The following CDKAL1 variants were observed in gnomAD, a reference collection of about 807,000 sequenced individuals.
The protein encoded by CDKAL1 is threonylcarbamoyladenosine tRNA methylthiotransferase.
Under a neutral mutation model 68.2 loss-of-function variants are expected in CDKAL1, and 32 were observed. The ratio of observed to expected loss-of-function variants is 0.47; its 90% CI spans 0.35 to 0.63. The LOEUF (loss-of-function observed/expected upper bound fraction) is 0.63, where lower values mean the gene tolerates loss of function less well. CDKAL1 is among the 30% of genes least tolerant of loss of function. The pLI is 0.00. For missense variants in CDKAL1, 606 were observed against 696.7 expected, an observed-to-expected ratio of 0.87 and a Z score of 1.47; for synonymous variants, 234 against 244.3, an observed-to-expected ratio of 0.96 and a Z score of 0.39.
chr6:21,188,840 T>C (rs1778124652), intron 13 of CDKAL1, among the ~76,000 whole-genome samples: 1 of 152,112 alleles, frequency 6.6e-6, no homozygotes, highest in South Asian at 2.1e-4. Context: ...CACAAAAAGC[T>C]TTATAGGCAA....
chr6:20,860,850 A>G (rs554159340), intron 9 of CDKAL1, among the ~76,000 whole-genome samples: 27 of 152,202 alleles, frequency 1.8e-4, no homozygotes, highest in South Asian at 4.2e-4. Flanking sequence ...TGCTGAATGA[A>G]TACATGAATA....
At chr6:20,548,392 G>A (rs1346027402) in intron 3 of CDKAL1, among the ~76,000 whole-genome samples, 1 of 151,976 alleles carries the variant, frequency 6.6e-6, no homozygotes, top group Non-Finnish European at 1.5e-5. Context: ...AAATTAACAG[G>A]TGTGTTGGTG....
chr6:21,051,527 C>G (rs193090471), intron 11 of CDKAL1, among the ~76,000 whole-genome samples: 8 of 152,242 alleles, frequency 5.3e-5, no homozygotes, highest in African/African-American at 1.9e-4. Context: ...GCTTCCTTTA[C>G]TATTTATTGA....
At chr6:21,155,001 A>C (rs184459291) in intron 13 of CDKAL1, among the ~76,000 whole-genome samples, 2,333 of 69,328 alleles carry the variant, frequency 0.034, 30 homozygotes, top group African/African-American at 0.13. Context: ...CACCCCCCCC[A>C]AAAAAAAAAA....
chr6:20,616,837 T>TA (rs1243717378), intron 4 of CDKAL1, among the ~76,000 whole-genome samples: 18 of 60,880 alleles, frequency 3.0e-4, no homozygotes, highest in South Asian at 2.7e-3. Context: ...ACCCCGACTC[T>TA]ACCACACACA....
At chr6:20,778,255 G>A (rs1335232425) in intron 7 of CDKAL1, among the ~76,000 whole-genome samples, 1 of 152,076 alleles carries the variant, frequency 6.6e-6, no homozygotes, top group African/African-American at 2.4e-5. Flanking sequence ...AAAAGCATGA[G>A]CCATAAAAGA....
At chr6:20,816,410 C>T (rs927845403) in intron 8 of CDKAL1, among the ~76,000 whole-genome samples, 10 of 152,094 alleles carry the variant, frequency 6.6e-5, no homozygotes, top group African/African-American at 2.4e-4. Flanking sequence ...TAGAGTGTAT[C>T]AGCATTGCAA....
chr6:21,097,610 C>T (rs965914819), intron 12 of CDKAL1, among the ~76,000 whole-genome samples: 1 of 151,714 alleles, frequency 6.6e-6, no homozygotes, highest in Non-Finnish European at 1.5e-5. Flanking sequence ...AAGGGTTAAC[C>T]GTGCTATATA....
intron 13 of CDKAL1, among the ~76,000 whole-genome samples, chr6:21,190,877 A>T (rs1187713709): frequency 6.6e-6 from 1 of 152,216 alleles, no homozygotes; most frequent in African/African-American, 2.4e-5. Context: ...TTTGTAACTC[A>T]GCATCTCAGA....
chr6:20,555,161 T>C (rs1763984951), intron 4 of CDKAL1, among the ~76,000 whole-genome samples: 1 of 152,228 alleles, frequency 6.6e-6, no homozygotes, highest in South Asian at 2.1e-4. Context: ...CAGCCATGGA[T>C]TCCAGCAGAC....
intron 13 of CDKAL1, among the ~76,000 whole-genome samples, chr6:21,115,069 T>C (rs4340995): frequency 0.87 from 132,284 of 152,086 alleles, 57,837 homozygotes; most frequent in East Asian, 1. Flanking sequence ...ATTCCTTCTT[T>C]CCTCAAAGAC....
intron 12 of CDKAL1, among the ~76,000 whole-genome samples, chr6:21,066,661 G>A (rs1771460466): frequency 6.6e-6 from 1 of 152,110 alleles, no homozygotes; most frequent in African/African-American, 2.4e-5. Context: ...TCGCTCTGTT[G>A]CCCAGGCTGG....
chr6:21,074,764 A>C (rs1477030447), intron 12 of CDKAL1, among the ~76,000 whole-genome samples: 2 of 152,176 alleles, frequency 1.3e-5, no homozygotes, highest in African/African-American at 4.8e-5. Flanking sequence ...TACTATTGCA[A>C]AATGGGTAGC....
chr6:21,102,794 G>A (rs1421549402), intron 12 of CDKAL1, among the ~76,000 whole-genome samples: 2 of 152,132 alleles, frequency 1.3e-5, no homozygotes, highest in African/African-American at 4.8e-5. Context: ...GCACTCCTGC[G>A]TGACTCTATT....
At chr6:20,547,216 G>A (rs1391377113) in intron 3 of CDKAL1, among the ~76,000 whole-genome samples, 1 of 151,950 alleles carries the variant, frequency 6.6e-6, no homozygotes, top group Non-Finnish European at 1.5e-5. Flanking sequence ...TTATTTGAAT[G>A]ATTTTAAATT....
chr6:20,739,477 A>G, intron 5 of CDKAL1, 42 bp from the exon 6 acceptor site: 1 of 1,270,756 alleles, frequency 7.9e-7, no homozygotes, highest in Middle Eastern at 1.9e-4. Context: ...GAGTATACCC[A>G]TGAGCAAAGG....
At chr6:21,024,628 G>C (rs1768860165) in intron 11 of CDKAL1, among the ~76,000 whole-genome samples, 1 of 152,310 alleles carries the variant, frequency 6.6e-6, no homozygotes, top group Admixed American at 6.5e-5. Flanking sequence ...TTTCATCACA[G>C]ATTTTTAGAA....
chr6:21,035,655 A>G (rs535661279), intron 11 of CDKAL1, among the ~76,000 whole-genome samples: 2 of 152,270 alleles, frequency 1.3e-5, no homozygotes, highest in South Asian at 4.1e-4. Context: ...AAATGATTTT[A>G]TTTGGGATAA....
chr6:20,723,711 A>G (rs1471268178), intron 5 of CDKAL1: 1 of 152,448 alleles, frequency 6.6e-6, no homozygotes, highest in African/African-American at 2.4e-5. Flanking sequence ...AAGTGTCCTA[A>G]AATACTGTTA....
Sources: allele counts gnomAD v4.1 joint callset (sites outside exome capture counted in the v4.1 genomes callset), GRCh38; gene constraint gnomAD v4.1.1; transcripts MANE v1.5; gene names NCBI Gene and HGNC (gene_info 2026-07-23, HGNC 2026-07-21).